The following C1orf94 variants were observed in gnomAD, a reference collection of about 807,000 sequenced individuals.
C1orf94 encodes the protein uncharacterized protein C1orf94.
C1orf94 carries 45 observed loss-of-function variants against 53.6 expected under a neutral mutation model. The observed-to-expected ratio is 0.84, with a 90% CI of 0.66 to 1.08. The LOEUF is 1.08. C1orf94 is among the 50% of genes least tolerant of loss of function. The pLI is 0.00. For synonymous variants in C1orf94, 304 were observed against 296.1 expected (o/e 1.03, Z -0.27); for missense variants, 762 against 738.9 (o/e 1.03, Z -0.36).
intron 3 of C1orf94, 70 bp from the exon 4 acceptor site, chr1:34,202,014 G>A (rs927843925): frequency 1.8e-5 from 27 of 1,515,134 alleles, no homozygotes; most frequent in African/African-American, 6.9e-5. Context: ...AGGAAGTTGC[G>A]ATGCTGAAGG....
chr1:34,198,505 G>T lies in C1orf94; in HGVS notation c.1009+592G>T, dbSNP rs544491793. 4.6e-5 allele frequency among the ~76,000 whole-genome samples: 7 copies of T among 152,340 alleles called. No individual in the cohort carries two copies. The South Asian group carries it at 1.2e-3, about 27-fold the overall frequency. ...CCCAGGAAAGCCAGCCACCTCCCAA[G>T]CTTCTCCTACTTTATGCCCAGGATT... On this transcript the variant is annotated intron_variant, in intron 2 of 6. Transcript: ENST00000488417.
At chr1:34,213,569 T>C (rs1188023092) in intron 6 of C1orf94, among the ~76,000 whole-genome samples, 1 of 152,158 alleles carries the variant, frequency 6.6e-6, no homozygotes, top group African/African-American at 2.4e-5. Context: ...AGATGGAGTT[T>C]CACCCTTGTT....
rs770442120 is a variant in C1orf94, at chr1:34,212,364, T to A, written c.1679T>A (p.Met560Lys). The A allele has an allele frequency of 1.5e-5, 24 of 1,611,822 alleles. No homozygotes were observed. The highest frequency in any genetic ancestry group is 2.0e-5 in the Non-Finnish European group (23 of 1,179,320). The change falls in exon 6 of 7, where the codon ATG becomes AAG. Residue 560 changes from methionine (M) to lysine (K), a missense_variant. Met to Lys is a moderately conservative substitution (Grantham distance 95). Coordinates refer to ENST00000488417, the MANE Select transcript of C1orf94 (RefSeq NM_001134734.2). ...MSANPRDPPL[M>K]AGDGPQYLFP... ...GCCAACCCCCGAGACCCTCCCCTAA[T>A]GGCAGGAGATGGACCGCAGTACCTC...
At chr1:34,210,509 G>C (rs529922551) in intron 5 of C1orf94, among the ~76,000 whole-genome samples, 37 of 152,320 alleles carry the variant, frequency 2.4e-4, no homozygotes, top group Non-Finnish European at 5.3e-4. Flanking sequence ...TGAGAAAGTT[G>C]CTTCACTTCT....
At chr1:34,168,351 G>C (rs1346465099) in intron 1 of C1orf94, among the ~76,000 whole-genome samples, 3 of 152,084 alleles carry the variant, frequency 2.0e-5, no homozygotes, top group Non-Finnish European at 4.4e-5. Context: ...TGGGGAAAGA[G>C]CTTTTGGTAT....
chr1:34,218,610 T>G, intron 6 of C1orf94, 76 bp from the exon 7 acceptor site: 1 of 1,183,400 alleles, frequency 8.5e-7, no homozygotes, highest in Non-Finnish European at 1.2e-6. Flanking sequence ...ACCATAAAAT[T>G]AATATATATA....
rs1842093 is a variant in C1orf94, at chr1:34,169,346, C to T, written c.-251+2175C>T. Among the ~76,000 whole-genome samples the T allele has an allele frequency of 3.4e-3, 512 of 152,268 alleles. 2 individuals are homozygous for T. The highest frequency in any genetic ancestry group is 3.9e-3 in the Non-Finnish European group (264 of 68,016). ...GTGCTGGCTCCCTGCCTGCCCCTCT[C>T]ATTCTCCCTGTGAGCAACAGGCAGT... On this transcript the variant is annotated intron_variant, in intron 1 of 6. Transcript: ENST00000373374.
intron 1 of C1orf94, among the ~76,000 whole-genome samples, chr1:34,170,554 C>T (rs184995395): frequency 1.3e-5 from 2 of 152,230 alleles, no homozygotes; most frequent in Admixed American, 6.5e-5. Flanking sequence ...TCTGACTCAA[C>T]AGTCTCTCCA....
chr1:34,197,672 C>G lies in C1orf94; in HGVS notation c.768C>G (p.Asn256Lys), dbSNP rs778881328. The G allele has an allele frequency of 6.2e-7, 1 of 1,614,166 alleles. No homozygotes were observed. Among genetic ancestry groups the G allele is most frequent in the East Asian group, 2.2e-5 (1 of 44,860 alleles). The change falls in exon 2 of 7, where the codon AAC (asparagine) becomes AAG (lysine). Residue 256 changes from asparagine to lysine, a missense_variant. Transcript: ENST00000488417. The surrounding 1 kb of genome is among the most constrained non-coding windows in gnomAD (Gnocchi z 4.1). ...CTGAGACATCCAAGGTCCCTGACAA[C>G]AAGAATGTGCTGGACAAGACAAGGG... Reference protein sequence around the residue: ...KSTETSKVPDNKNVLDKTRVT... With the variant: ...KSTETSKVPDKKNVLDKTRVT...
intron 3 of C1orf94, among the ~76,000 whole-genome samples, chr1:34,201,877 A>G (rs535147311): frequency 1.3e-5 from 2 of 152,340 alleles, no homozygotes; most frequent in East Asian, 1.9e-4. Context: ...ACCTTCTGGG[A>G]TTTTCATCCC....
intron 3 of C1orf94, among the ~76,000 whole-genome samples, chr1:34,201,771 T>C (rs1054977814): frequency 6.6e-6 from 1 of 152,216 alleles, no homozygotes; most frequent in Non-Finnish European, 1.5e-5. Flanking sequence ...ATTTTGTAAG[T>C]AGGTGAAATA....
intron 6 of C1orf94, among the ~76,000 whole-genome samples, chr1:34,216,717 T>C (rs1642994263): frequency 6.6e-6 from 1 of 152,282 alleles, no homozygotes; most frequent in East Asian, 1.9e-4. Flanking sequence ...ACATTCATCA[T>C]GGTGGAATAA....
intron 1 of C1orf94, among the ~76,000 whole-genome samples, chr1:34,184,197 TG>T (rs1430206022): frequency 6.6e-6 from 1 of 152,176 alleles, no homozygotes; most frequent in Non-Finnish European, 1.5e-5. Flanking sequence ...AGGGATGTCA[TG>T]ATTAATAACT....
intron 1 of C1orf94, among the ~76,000 whole-genome samples, chr1:34,190,348 C>A (rs1642462087): frequency 1.3e-5 from 2 of 152,110 alleles, no homozygotes; most frequent in African/African-American, 4.8e-5. Flanking sequence ...AATGCCTTAG[C>A]ATCACCTCCA....
chr1:34,178,048 G>C lies in C1orf94; in HGVS notation c.259G>C (p.Glu87Gln). The C allele has an allele frequency of 6.4e-7, 1 of 1,551,714 alleles. No individual in the cohort carries two copies. The highest frequency in any genetic ancestry group is 8.7e-7 in the Non-Finnish European group (1 of 1,146,990). The change falls in exon 1 of 7, where the codon GAG becomes CAG. Residue 87 changes from glutamate to glutamine, a missense_variant. Coordinates refer to ENST00000488417, the MANE Select transcript of C1orf94 (RefSeq NM_001134734.2). Reference protein sequence around the residue: ...PEASQPWTSMEQLSVPVVGTL... With the variant: ...PEASQPWTSMQQLSVPVVGTL... ...GGCCTCACAGCCCTGGACCTCCATG[G>C]AGCAGCTCTCTGTCCCTGTGGTTGG...
chr1:34,208,258 C>T, intron 5 of C1orf94, 24 bp downstream of exon 5: 1 of 1,609,894 alleles, frequency 6.2e-7, no homozygotes, highest in South Asian at 1.1e-5. Context: ...CTCTCCTCCT[C>T]TGTCCTGGGT....
At chr1:34,217,510 G>A (rs1643008743) in intron 6 of C1orf94, among the ~76,000 whole-genome samples, 1 of 152,168 alleles carries the variant, frequency 6.6e-6, no homozygotes, top group African/African-American at 2.4e-5. Flanking sequence ...AGAAACAGAG[G>A]TGGGGTTACC....
At position 34,197,435 on chromosome 1, in the gene C1orf94, C is replaced by T. The variant is rs757551344; in HGVS notation, c.531C>T (p.Ser177=). The T allele has an allele frequency of 1.2e-6, 2 of 1,613,968 alleles. No individual in the cohort carries two copies. The highest frequency in any genetic ancestry group is 1.7e-6 in the Non-Finnish European group (2 of 1,179,902). Reference sequence around the variant, plus strand: ...GCAGTAATGAGCGCCCCAGAGCCTCCATCATTGTCGGAGACAAGCTTCTGA... The same window carrying T: ...GCAGTAATGAGCGCCCCAGAGCCTCTATCATTGTCGGAGACAAGCTTCTGA... ...VAGSNERPRA[S]IIVGDKLLKQ... Residue 177 remains serine (S), a synonymous_variant, in exon 2 of 7, where the codon TCC becomes TCT. Coordinates refer to ENST00000488417, the MANE Select transcript of C1orf94 (RefSeq NM_001134734.2). This position sits in a 1 kb window ranked among gnomAD's most constrained non-coding sequence, Gnocchi z 4.1.
intron 1 of C1orf94, among the ~76,000 whole-genome samples, chr1:34,192,129 G>A (rs774884337): frequency 7.9e-5 from 12 of 152,188 alleles, no homozygotes; most frequent in South Asian, 2.1e-4. Context: ...AAGAGAAAGC[G>A]AATAGCACAG....
Sources: gnomAD v4.1 joint callset for allele counts (sites outside exome capture counted in the v4.1 genomes callset) on GRCh38, gnomAD v4.1.1 for gene constraint, Gnocchi (gnomAD v3.1) non-coding constraint, MANE v1.5 for transcripts, NCBI Gene and HGNC (gene_info 2026-07-23, HGNC 2026-07-21) for gene names.